The following PCDHA9 variants were observed in gnomAD, a reference collection of about 807,000 sequenced individuals.
PCDHA9 encodes protocadherin alpha 9.
A neutral mutation model predicts 62.0 loss-of-function variants in PCDHA9; 62 were observed. That is an observed-to-expected ratio of 1.00 (90% CI 0.81 to 1.23). The LOEUF (loss-of-function observed/expected upper bound fraction) is 1.23. Among genes scored for constraint, PCDHA9 ranks in the 50% most tolerant of loss-of-function variants. The pLI is 0.00. For missense variants in PCDHA9, 1,205 were observed against 1,249.8 expected (o/e 0.96, Z 0.54); for synonymous variants, 557 against 567.6 (o/e 0.98, Z 0.27).
intron 1 of PCDHA9, among the ~76,000 whole-genome samples, chr5:140,872,635 C>T (rs1172137990): frequency 6.6e-6 from 1 of 152,028 alleles, no homozygotes; most frequent in Non-Finnish European, 1.5e-5. Context: ...GATTTTGTTC[C>T]ATGAAAAGGC....
At position 140,848,667 on chromosome 5, in the gene PCDHA9, G is replaced by C; in HGVS notation, c.172G>C (p.Glu58Gln). 6.3e-7 allele frequency: 1 copy of C among 1,592,344 alleles called. No homozygotes were observed. Residue 58 changes from glutamate to glutamine, a missense_variant, in exon 1 of 4, where the codon GAG becomes CAG. Physicochemically the swap from Glu to Gln is conservative, Grantham distance 29 (BLOSUM62 2). Transcript: ENST00000532602. The part of the protein sequence containing the change: ...IAQDLGLELA[E>Q]LVPRLFQLDS... ...GCAGGACCTGGGGCTGGAGCTGGCG[G>C]AGCTGGTGCCGCGCCTGTTCCAGTT...
chr5:140,998,646 C>A (rs1413467899), intron 3 of PCDHA9, among the ~76,000 whole-genome samples: 1 of 151,870 alleles, frequency 6.6e-6, no homozygotes, highest in Non-Finnish European at 1.5e-5. Context: ...CTCACTGCAA[C>A]CTCTGCCTCC....
At chr5:140,994,811 A>G (rs1283053490) in intron 3 of PCDHA9, among the ~76,000 whole-genome samples, 1 of 152,194 alleles carries the variant, frequency 6.6e-6, no homozygotes, top group Non-Finnish European at 1.5e-5. Context: ...ACAAAATACA[A>G]AAAACTGAAT....
chr5:140,857,567 G>C, intron 1 of PCDHA9: 1 of 1,596,986 alleles, frequency 6.3e-7, no homozygotes, highest in Non-Finnish European at 8.6e-7. Flanking sequence ...GTCGAGCTAC[G>C]TGTCGGTGCA....
chr5:140,857,738 C>T, intron 1 of PCDHA9: 1 of 1,597,432 alleles, frequency 6.3e-7, no homozygotes, highest in Non-Finnish European at 8.6e-7. Flanking sequence ...CGCTCCCGCG[C>T]TGCTGGCGTC....
intron 1 of PCDHA9, chr5:140,884,056 G>C (rs782776341): frequency 6.2e-7 from 1 of 1,613,476 alleles, no homozygotes; most frequent in African/African-American, 1.3e-5. Context: ...AGGTGCGCGC[G>C]GTGGACGCCG....
intron 1 of PCDHA9, chr5:140,876,776 T>C: frequency 1.2e-6 from 2 of 1,614,212 alleles, no homozygotes; most frequent in Non-Finnish European, 1.7e-6. Context: ...TCGCCTTCGC[T>C]GTGGGCCACG....
intron 1 of PCDHA9, among the ~76,000 whole-genome samples, chr5:140,895,039 C>T (rs1274502441): frequency 6.6e-6 from 1 of 152,060 alleles, no homozygotes. Context: ...GTCCCCCACC[C>T]ACACCATTCT....
intron 1 of PCDHA9, among the ~76,000 whole-genome samples, chr5:140,890,656 A>C (rs181998048): frequency 1.3e-5 from 2 of 152,300 alleles, no homozygotes; most frequent in Admixed American, 6.5e-5. Context: ...CAAAATCAAA[A>C]GTTAACTGAA....
rs782510264 is a variant in PCDHA9, at chr5:140,863,385, G to A, written c.2394+12496G>A. 4 of 1,030,862 alleles carry A rather than the reference G, an allele frequency of 3.9e-6. No homozygotes were observed. In the South Asian group the frequency reaches 4.9e-5, roughly 13 times the overall value. The allele number at this position is 1,030,862 out of a possible 1,614,324, so 63.9% of individuals were successfully genotyped here. ...GCTTGGCGCAGCTCACCGAGAGCTC[G>A]TGCATGCCGGGCAAGCCCACGCTGG... On this transcript the variant is annotated intron_variant, in intron 1 of 3. Transcript: ENST00000532602.
chr5:140,984,712 G>A (rs2097116348), intron 3 of PCDHA9, among the ~76,000 whole-genome samples: 1 of 152,096 alleles, frequency 6.6e-6, no homozygotes, highest in Non-Finnish European at 1.5e-5. Context: ...AGGGAATATG[G>A]CATAAAGATT....
At chr5:140,948,620 TTAA>T (rs1422284059) in intron 1 of PCDHA9, among the ~76,000 whole-genome samples, 3 of 151,714 alleles carry the variant, frequency 2.0e-5, no homozygotes, top group Non-Finnish European at 4.4e-5. Context: ...CACAAAGTTG[TTAA>T]TAATATTCTC....
intron 1 of PCDHA9, among the ~76,000 whole-genome samples, chr5:140,893,236 T>C (rs1554185562): frequency 6.6e-6 from 1 of 152,236 alleles, no homozygotes. Flanking sequence ...TTTGACATAC[T>C]GGTTTCCTTT....
chr5:140,956,464 A>C (rs1340273443), intron 1 of PCDHA9, among the ~76,000 whole-genome samples: 1 of 152,148 alleles, frequency 6.6e-6, no homozygotes, highest in Admixed American at 6.6e-5. Flanking sequence ...ATTGATTTGC[A>C]TATGTTGAAC....
intron 3 of PCDHA9, among the ~76,000 whole-genome samples, chr5:140,995,413 C>T (rs1554254672): frequency 6.6e-6 from 1 of 152,176 alleles, no homozygotes; most frequent in East Asian, 1.9e-4. Flanking sequence ...GATTTCATCA[C>T]ATTACTCAGA....
chr5:140,866,152 G>A (rs955753225), intron 1 of PCDHA9: 31 of 152,098 alleles, frequency 2.0e-4, no homozygotes, highest in African/African-American at 7.5e-4. Flanking sequence ...AGTGATATAA[G>A]TAAGAATCGT....
At chr5:140,858,846 T>C (rs2045621304) in intron 1 of PCDHA9, 1 of 295,454 alleles carries the variant, frequency 3.4e-6, no homozygotes, top group Non-Finnish European at 6.4e-6. Flanking sequence ...ATTCCACTGA[T>C]CTATATCTCT....
chr5:140,887,446 C>T (rs554116341), intron 1 of PCDHA9, among the ~76,000 whole-genome samples: 1 of 152,170 alleles, frequency 6.6e-6, no homozygotes, highest in East Asian at 1.9e-4. Flanking sequence ...GCATAGTTGA[C>T]AGTTTTTTAA....
intron 1 of PCDHA9, among the ~76,000 whole-genome samples, chr5:140,946,691 G>A (rs782114019): frequency 3.4e-5 from 5 of 147,578 alleles, no homozygotes; most frequent in African/African-American, 5.1e-5. Context: ...TGACAATATG[G>A]ATGAATCTGG....
Sources: allele counts gnomAD v4.1 joint callset (sites outside exome capture counted in the v4.1 genomes callset), GRCh38; gene constraint gnomAD v4.1.1; transcripts MANE v1.5; gene names NCBI Gene and HGNC (gene_info 2026-07-23, HGNC 2026-07-21).